ZC3H14: variants seen among roughly 807,000 people sequenced by gnomAD.
ZC3H14 encodes zinc finger CCCH-type containing 14.
A neutral mutation model predicts 92.4 loss-of-function variants in ZC3H14; 31 were observed. The ratio of observed to expected loss-of-function variants is 0.34; its 90% CI spans 0.25 to 0.45. ZC3H14 has a LOEUF of 0.45. Among genes scored for constraint, ZC3H14 ranks in the 20% least tolerant of loss-of-function variants. The probability of loss-of-function intolerance (pLI) is 1.00; values close to 1 mark genes in which losing one functional copy is unlikely to be tolerated. For synonymous variants in ZC3H14, 321 were observed against 300.9 expected, an observed-to-expected ratio of 1.07 and a Z score of -0.69; for missense variants, 781 against 897.3, an observed-to-expected ratio of 0.87 and a Z score of 1.66.
chr14:88,582,872 A>C lies in ZC3H14; in HGVS notation c.1279+4732A>C, dbSNP rs192866105. Among the ~76,000 whole-genome samples, 161 of 152,228 alleles carry C rather than the reference A, an allele frequency of 1.1e-3. 2 individuals are homozygous for C. In the East Asian group the frequency reaches 0.023, roughly 22 times the overall value. On this transcript the variant is annotated intron_variant, in intron 9 of 16. Coordinates refer to ENST00000251038, the MANE Select transcript of ZC3H14 (RefSeq NM_024824.5). ...GCAGGTTTTTAAAATATAAACATGC[A>C]CTCGTATTGGCATAAGTTGTTAATT...
intron 1 of ZC3H14, 89 bp downstream of exon 1, chr14:88,563,258 CG>C: frequency 1.3e-6 from 2 of 1,547,184 alleles, no homozygotes; most frequent in South Asian, 2.4e-5. Context: ...CCCGGGTGGA[CG>C]CCGCGGCCTG....
Position 88,626,888 on chromosome 14 carries a change from T to C in ZC3H14, c.*15137T>C. 3 of 1,613,990 alleles carry C rather than the reference T, an allele frequency of 1.9e-6. No homozygotes were observed. The South Asian group carries it at 3.3e-5, about 18-fold the overall frequency. On this transcript the variant is annotated 3_prime_UTR_variant, in exon 17 of 17. Coordinates refer to ENST00000251038, the MANE Select transcript of ZC3H14 (RefSeq NM_024824.5). Reference sequence around the variant, plus strand: ...GTCTGCATCCGGGCATCTTCCAGTGTGCTCAGTAGCCCTTTTTTGCTAAGA... The same window carrying C: ...GTCTGCATCCGGGCATCTTCCAGTGCGCTCAGTAGCCCTTTTTTGCTAAGA...
At position 88,573,123 on chromosome 14, in the gene ZC3H14, G is replaced by A. The variant is rs1595534704; in HGVS notation, c.861+116G>A. On this transcript the variant is annotated intron_variant, in intron 6 of 16. Coordinates refer to ENST00000251038, the MANE Select transcript of ZC3H14 (RefSeq NM_024824.5). ...AGGCTGGGCACAGTGGCTCACACCT[G>A]TAATCCCAGGACTTTGGGAGGCCGA... 1.2e-5 allele frequency: 15 copies of A among 1,218,778 alleles called. 1 individual carries two copies. In the South Asian group the frequency reaches 1.9e-4, roughly 15 times the overall value. 75.5% of individuals were successfully genotyped at this position (1,218,778 alleles called of 1,614,324 possible).
chr14:88,584,820 CAAG>C (rs2082287938), intron 9 of ZC3H14, among the ~76,000 whole-genome samples: 1 of 152,022 alleles, frequency 6.6e-6, no homozygotes, highest in East Asian at 1.9e-4. Context: ...GACATGCTCC[CAAG>C]AAGTAGAGAA....
At chr14:88,607,715 G>A (rs2085723263) in intron 13 of ZC3H14, among the ~76,000 whole-genome samples, 1 of 115,592 alleles carries the variant, frequency 8.7e-6, no homozygotes, top group South Asian at 3.0e-4. Flanking sequence ...CACCCTGCAA[G>A]TATCATCCCC....
chr14:88,563,053 C>G lies in ZC3H14; in HGVS notation c.-81C>G, dbSNP rs1595440380. On this transcript the variant is annotated 5_prime_UTR_variant, in exon 1 of 17. Transcript: ENST00000251038. ...AACGGAGGAGGAGGCGGTGGTGTCC[C>G]GGCTGCGGGGTAGGAGTCCGCGGCA... is the stretch of plus-strand genomic sequence containing the variant. 2 of 1,527,606 alleles carry G rather than the reference C, an allele frequency of 1.3e-6. No homozygotes were observed. The highest frequency in any genetic ancestry group is 3.9e-5 in the Admixed American group (2 of 50,934). The allele number at this position is 1,527,606 out of a possible 1,614,324, so 94.6% of individuals were successfully genotyped here.
chr14:88,568,200 C>A lies in ZC3H14; in HGVS notation c.194+47C>A, dbSNP rs373768991. The A allele has an allele frequency of 9.3e-5, 139 of 1,495,020 alleles. No homozygotes were observed. In the African/African-American group the frequency reaches 1.8e-3, roughly 19 times the overall value. The allele number at this position is 1,495,020 out of a possible 1,614,324, so 92.6% of individuals were successfully genotyped here. Reference sequence around the variant, plus strand: ...CCTCAGACCAAAGTTTGGCACAAGCCTGAGTTGATATTCTGTCCAAAGAGA... The same window carrying A: ...CCTCAGACCAAAGTTTGGCACAAGCATGAGTTGATATTCTGTCCAAAGAGA... On this transcript the variant is annotated intron_variant, in intron 3 of 16. Coordinates refer to ENST00000251038, the MANE Select transcript of ZC3H14 (RefSeq NM_024824.5).
chr14:88,618,568 C>T lies in ZC3H14; in HGVS notation c.*6817C>T. On this transcript the variant is annotated 3_prime_UTR_variant, in exon 17 of 17. Transcript: ENST00000251038. ...GTTGAGAAGCTGGAGCTCTGGAGCT[C>T]AGGAACTTTAAATGCATTCACTAAC... 1 of 1,471,136 alleles carries T rather than the reference C, an allele frequency of 6.8e-7. No homozygotes were observed. Among genetic ancestry groups the T allele is most frequent in the Admixed American group, 2.3e-5 (1 of 43,014 alleles). 91.1% of individuals were successfully genotyped at this position (1,471,136 alleles called of 1,614,324 possible). A position where few individuals can be genotyped will look rare whatever the true frequency, so the allele number is the denominator to read the frequency against.
chr14:88,627,159 C>A lies in ZC3H14; in HGVS notation c.*15408C>A. On this transcript the variant is annotated 3_prime_UTR_variant, in exon 17 of 17. Coordinates refer to ENST00000251038, the MANE Select transcript of ZC3H14 (RefSeq NM_024824.5). ...AAAAACAAAGGCTTAGAAGAGAGGC[C>A]AATGGCCCCTGCTCTACTACCTAGC... 2 of 998,556 alleles carry A rather than the reference C, an allele frequency of 2.0e-6. No individual in the cohort carries two copies. The highest frequency in any genetic ancestry group is 3.0e-6 in the Non-Finnish European group (2 of 657,746). 61.9% of individuals were successfully genotyped at this position (998,556 alleles called of 1,614,324 possible). A position where few individuals can be genotyped will look rare whatever the true frequency, so the allele number is the denominator to read the frequency against.
At chr14:88,577,029 G>A (rs1396415446) in intron 8 of ZC3H14, among the ~76,000 whole-genome samples, 4 of 152,008 alleles carry the variant, frequency 2.6e-5, no homozygotes, top group African/African-American at 9.7e-5. Flanking sequence ...CTGACCTCAG[G>A]TGATCACCTG....
chr14:88,563,616 C>T (rs1304819842), intron 1 of ZC3H14, 35 bp from the exon 2 acceptor site: 2 of 1,612,978 alleles, frequency 1.2e-6, no homozygotes, highest in East Asian at 2.2e-5. Flanking sequence ...CTAGAGCCGC[C>T]TTTCTCACAT....
At chr14:88,604,599 GT>G (rs11446275) in intron 12 of ZC3H14, among the ~76,000 whole-genome samples, 29 of 142,610 alleles carry the variant, frequency 2.0e-4, no homozygotes, top group African/African-American at 4.9e-4. Context: ...TGCTTTCTTT[GT>G]TTTTTTTTTT....
chr14:88,563,685 C>T lies in ZC3H14; in HGVS notation c.71C>T (p.Ala24Val). ...AIKGKLQELG[A>V]YVDEELPDYI... ...AAGGGGAAATTACAAGAATTAGGAGCTTATGTTGGTAAGTGTTTTTTTGGT... is the reference window on the plus strand; with the variant it reads ...AAGGGGAAATTACAAGAATTAGGAGTTTATGTTGGTAAGTGTTTTTTTGGT... Residue 24 changes from alanine to valine, a missense_variant, in exon 2 of 17, where the codon GCT (alanine) becomes GTT (valine). This residue lies in a region of ZC3H14 where 106 missense variants were observed against 154.2 expected (regional missense o/e 0.69). Transcript: ENST00000251038. The T allele has an allele frequency of 1.9e-6, 3 of 1,614,132 alleles. No individual in the cohort carries two copies. The highest frequency in any genetic ancestry group is 2.5e-6 in the Non-Finnish European group (3 of 1,179,952).
Position 88,615,683 on chromosome 14 carries a change from A to G in ZC3H14, c.*3932A>G, listed in dbSNP as rs2087484909. The G allele has an allele frequency of 1.3e-5, 10 of 765,304 alleles. No homozygotes were observed. The highest frequency in any genetic ancestry group is 2.1e-5 in the Non-Finnish European group (10 of 472,536). 47.4% of individuals were successfully genotyped at this position (765,304 alleles called of 1,614,324 possible). On this transcript the variant is annotated 3_prime_UTR_variant, in exon 17 of 17. Transcript: ENST00000251038. ...ATTTTGAACAGATCAGTCTTTCACT[A>G]TTTTGATGATTCTGGGCATTTCTCC...
chr14:88,621,448 A>G lies in ZC3H14; in HGVS notation c.*9697A>G. 3.7e-6 allele frequency: 3 copies of G among 817,220 alleles called. No individual in the cohort carries two copies. The highest frequency in any genetic ancestry group is 5.9e-6 in the Non-Finnish European group (3 of 509,080). The allele number at this position is 817,220 out of a possible 1,614,324, so 50.6% of individuals were successfully genotyped here. On this transcript the variant is annotated 3_prime_UTR_variant, in exon 17 of 17. Coordinates refer to ENST00000251038, the MANE Select transcript of ZC3H14 (RefSeq NM_024824.5). ...AGCAAGGCAGTCATTAGCTCATGCA[A>G]ATTTTTCTATGACTACAGGCACACA...
chr14:88,611,900 TAATTTTTC>T lies in ZC3H14; in HGVS notation c.*152_*159del. 1 of 1,091,794 alleles carries T rather than the reference TAATTTTTC, an allele frequency of 9.2e-7. No homozygotes were observed. Among genetic ancestry groups the T allele is most frequent in the Non-Finnish European group, 1.3e-6 (1 of 760,032 alleles). 67.6% of individuals were successfully genotyped at this position (1,091,794 alleles called of 1,614,324 possible). On this transcript the variant is annotated 3_prime_UTR_variant, in exon 17 of 17. Transcript: ENST00000251038. The stretch of plus-strand genomic sequence containing the variant: ...TTATTGCCTATCTATCTGAAGTGTC[TAATTTTTC>T]AAGTTTGTAAGTTTATTATGTGGTT...
rs1000441227 is a variant in ZC3H14, at chr14:88,627,260, C to A, written c.*15509C>A. On this transcript the variant is annotated 3_prime_UTR_variant, in exon 17 of 17. Transcript: ENST00000251038. Reference sequence around the variant, plus strand: ...GCTCCATTAACTTTTCTTTATATAACGTAAATGTTTTGTCTAAAGTGTGGT... The same window carrying A: ...GCTCCATTAACTTTTCTTTATATAAAGTAAATGTTTTGTCTAAAGTGTGGT... 5.2e-6 allele frequency: 3 copies of A among 572,300 alleles called. No individual in the cohort carries two copies. Among genetic ancestry groups the A allele is most frequent in the Non-Finnish European group, 6.2e-6 (2 of 324,466 alleles). The allele number at this position is 572,300 out of a possible 1,614,324, so 35.5% of individuals were successfully genotyped here. A position where few individuals can be genotyped will look rare whatever the true frequency, so the allele number is the denominator to read the frequency against.
At chr14:88,568,508 C>G (rs2079981220) in intron 3 of ZC3H14, among the ~76,000 whole-genome samples, 1 of 152,182 alleles carries the variant, frequency 6.6e-6, no homozygotes, top group Admixed American at 6.5e-5. Context: ...AACTCACTGT[C>G]TCTTGAGAAC....
At chr14:88,611,062 T>C in intron 16 of ZC3H14, 122 bp downstream of exon 16, 3 of 977,398 alleles carry the variant, frequency 3.1e-6, no homozygotes, top group Non-Finnish European at 4.7e-6. Flanking sequence ...TTTTCTTTGC[T>C]GTTTAATTAT....
Sources: allele counts gnomAD v4.1 joint callset (sites outside exome capture counted in the v4.1 genomes callset), GRCh38; gene constraint gnomAD v4.1.1; regional missense constraint gnomAD v4.1.1; transcripts MANE v1.5; gene names NCBI Gene and HGNC (gene_info 2026-07-23, HGNC 2026-07-21).